The following DACH2 variants were observed in gnomAD, a reference collection of about 807,000 sequenced individuals.
The protein encoded by DACH2 is dachshund family transcription factor 2.
Under a neutral mutation model 35.8 loss-of-function variants are expected in DACH2, and 17 were observed. The observed-to-expected ratio is 0.48, with a 90% CI of 0.33 to 0.71. DACH2 has a LOEUF of 0.71. Ranked by LOEUF, DACH2 falls within the 30% of genes least tolerant of loss-of-function variation. DACH2 has a pLI of 0.02. For missense variants in DACH2, 469 were observed against 472.7 expected (o/e 0.99, Z 0.07); for synonymous variants, 195 against 177.3 (o/e 1.10, Z -0.79).
At chrX:86,586,305 G>T (rs1325555810) in intron 3 of DACH2, among the ~76,000 whole-genome samples, 2 of 111,159 alleles carry the variant, frequency 1.8e-5, no homozygotes, top group African/African-American at 6.5e-5. Context: ...TAATGATTCT[G>T]GATATTAGAC....
intron 1 of DACH2, among the ~76,000 whole-genome samples, chrX:86,293,180 A>C (rs2034349458): frequency 9.5e-6 from 1 of 104,970 alleles, no homozygotes; most frequent in Non-Finnish European, 1.9e-5. Flanking sequence ...CCATTATGTA[A>C]TGGCCTTCTT....
chrX:86,547,524 AACAC>A (rs751559427), intron 3 of DACH2, among the ~76,000 whole-genome samples: 8,417 of 90,550 alleles, frequency 0.093, 327 homozygotes, highest in Non-Finnish European at 0.099. Flanking sequence ...CGTGCTGCAG[AACAC>A]ACACACACAC....
chrX:86,229,899 C>T (rs934595131), intron 1 of DACH2, among the ~76,000 whole-genome samples: 3 of 110,507 alleles, frequency 2.7e-5, no homozygotes, highest in African/African-American at 9.9e-5. Context: ...GGTAAACAAT[C>T]ATATTGTCAG....
intron 3 of DACH2, among the ~76,000 whole-genome samples, chrX:86,518,063 T>C (rs908377476): frequency 8.9e-6 from 1 of 112,240 alleles, no homozygotes; most frequent in African/African-American, 3.2e-5. Context: ...CATCTTGAGT[T>C]GATTTCTGTA....
At chrX:86,821,440 C>A (rs1240017735) in intron 11 of DACH2, among the ~76,000 whole-genome samples, 1 of 111,123 alleles carries the variant, frequency 9.0e-6, no homozygotes, top group Non-Finnish European at 1.9e-5. Context: ...ACACAACCCA[C>A]AGAGAAGATC....
At chrX:86,165,513 T>C (rs976244738) in intron 1 of DACH2, among the ~76,000 whole-genome samples, 4 of 111,143 alleles carry the variant, frequency 3.6e-5, no homozygotes, top group Non-Finnish European at 7.6e-5. Flanking sequence ...CCTTTGGATA[T>C]AAGCGATTTA....
In DACH2 at chrX:86,560,590, T is replaced by C. The variant is rs2039202817; in HGVS notation, c.640+46199T>C. ...AACAGAACAGAGCCCTCAGAAATAA[T>C]GCCGCATATCTACAACTATCTGATC... On this transcript the variant is annotated intron_variant, in intron 3 of 11. Transcript: ENST00000373125. Among the ~76,000 whole-genome samples the C allele has an allele frequency of 5.1e-5, 5 of 97,516 alleles. No individual in the cohort carries two copies. In the South Asian group the frequency reaches 2.6e-3, roughly 51 times the overall value. 84.7% of individuals were successfully genotyped at this position (97,516 alleles called of 115,157 possible).
chrX:86,613,649 A>G (rs1429214474), intron 3 of DACH2, among the ~76,000 whole-genome samples: 1 of 111,492 alleles, frequency 9.0e-6, no homozygotes, highest in Non-Finnish European at 1.9e-5. Context: ...TAATTAAAAA[A>G]TTTGTTTAAT....
At chrX:86,792,839 G>A (rs894330197) in intron 7 of DACH2, among the ~76,000 whole-genome samples, 1 of 111,506 alleles carries the variant, frequency 9.0e-6, no homozygotes, top group Non-Finnish European at 1.9e-5. Flanking sequence ...AACCATGAGA[G>A]TTCTGATATT....
chrX:86,643,439 C>A (rs777096201), intron 3 of DACH2, among the ~76,000 whole-genome samples: 104 of 109,950 alleles, frequency 9.5e-4, no homozygotes, highest in African/African-American at 3.4e-3. Flanking sequence ...CAGAACAGAC[C>A]AATAACGAGC....
chrX:86,400,308 T>G (rs752293395), intron 2 of DACH2, among the ~76,000 whole-genome samples: 2 of 111,062 alleles, frequency 1.8e-5, no homozygotes, highest in South Asian at 7.6e-4. Context: ...AGTTTTTAAC[T>G]TTTTTGCGAT....
intron 2 of DACH2, 68 bp downstream of exon 2, chrX:86,376,930 C>A: frequency 2.0e-6 from 1 of 491,629 alleles, no homozygotes; most frequent in Non-Finnish European, 3.5e-6. Flanking sequence ...CAGATTCAGC[C>A]ACACTTTCAT....
chrX:86,207,845 A>G (rs2032351722), intron 1 of DACH2, among the ~76,000 whole-genome samples: 1 of 111,729 alleles, frequency 9.0e-6, no homozygotes, highest in African/African-American at 3.2e-5. Context: ...GAAGAAAAAT[A>G]CTTATTCATG....
chrX:86,769,888 G>A (rs950236643), intron 7 of DACH2, among the ~76,000 whole-genome samples: 9 of 109,740 alleles, frequency 8.2e-5, no homozygotes, highest in Admixed American at 3.9e-4. Flanking sequence ...TAGGCCAGGC[G>A]TGGTGGCTCA....
chrX:86,571,237 A>G (rs2039363180), intron 3 of DACH2, among the ~76,000 whole-genome samples: 1 of 111,317 alleles, frequency 9.0e-6, no homozygotes, highest in South Asian at 3.7e-4. Flanking sequence ...AAATTCAATG[A>G]CCATATAAGT....
In DACH2 at chrX:86,716,150, C is replaced by T. The variant is rs774599285; in HGVS notation, c.1104+1430C>T. Reference sequence around the variant, plus strand: ...CACAAATTCCCTGGCAACAAAACTGCACTTGTATCCCTGAATCAATAAAAA... The same window carrying T: ...CACAAATTCCCTGGCAACAAAACTGTACTTGTATCCCTGAATCAATAAAAA... On this transcript the variant is annotated intron_variant, in intron 6 of 11. Coordinates refer to ENST00000373125, the MANE Select transcript of DACH2 (RefSeq NM_053281.3). 2.7e-5 allele frequency among the ~76,000 whole-genome samples: 3 copies of T among 111,456 alleles called. No individual in the cohort carries two copies. The East Asian group carries it at 8.5e-4, about 31-fold the overall frequency.
intron 3 of DACH2, among the ~76,000 whole-genome samples, chrX:86,540,379 G>A (rs1460320572): frequency 1.8e-5 from 2 of 112,029 alleles, no homozygotes; most frequent in Non-Finnish European, 3.8e-5. Context: ...TGAATCTGAA[G>A]ACAGGCACTA....
chrX:86,617,617 T>G (rs1269454132), intron 3 of DACH2, among the ~76,000 whole-genome samples: 1 of 111,830 alleles, frequency 8.9e-6, no homozygotes, highest in Non-Finnish European at 1.9e-5. Context: ...AACATTTGTA[T>G]CAACCTTCAT....
intron 3 of DACH2, among the ~76,000 whole-genome samples, chrX:86,556,830 A>AGAGAGAGAG (rs2039137444): frequency 3.7e-5 from 3 of 81,738 alleles, no homozygotes; most frequent in African/African-American, 4.2e-5. Flanking sequence ...AGAGAGAGAG[A>AGAGAGAGAG]AGAAGAAATG....
Sources: gnomAD v4.1 joint callset for allele counts (sites outside exome capture counted in the v4.1 genomes callset) on GRCh38, gnomAD v4.1.1 for gene constraint, MANE v1.5 for transcripts, NCBI Gene and HGNC (gene_info 2026-07-23, HGNC 2026-07-21) for gene names.